Variants in CHD1 observed in about 807,000 individuals in gnomAD.
CHD1 encodes the protein ATP-dependent chromatin remodeler CHD1.
CHD1 carries 36 observed loss-of-function variants against 224.2 expected under a neutral mutation model. The ratio of observed to expected loss-of-function variants is 0.16; its 90% CI spans 0.12 to 0.21. CHD1 has a LOEUF of 0.21. CHD1 is among the 10% of genes least tolerant of loss of function. The pLI is 1.00. For synonymous variants in CHD1, 668 were observed against 658.3 expected (o/e 1.01, Z -0.23); for missense variants, 1,378 against 1,994.8 (o/e 0.69, Z 5.89).
chr5:98,908,248 T>C (rs923764865), intron 2 of CHD1, among the ~76,000 whole-genome samples: 6 of 152,182 alleles, frequency 3.9e-5, no homozygotes, highest in African/African-American at 1.4e-4. Flanking sequence ...ATTCCTTCTC[T>C]TTTCTTTTTA....
chr5:98,912,847 T>C (rs893060793), intron 2 of CHD1, among the ~76,000 whole-genome samples: 5 of 152,198 alleles, frequency 3.3e-5, no homozygotes, highest in Admixed American at 6.5e-5. Flanking sequence ...TTATATAACA[T>C]ATACATTTAT....
intron 2 of CHD1, among the ~76,000 whole-genome samples, chr5:98,907,833 T>C (rs1023693740): frequency 6.6e-6 from 1 of 152,040 alleles, no homozygotes; most frequent in African/African-American, 2.4e-5. Context: ...GGAACAGCAA[T>C]TGAAATGAGT....
chr5:98,901,154 A>G, intron 6 of CHD1, 32 bp downstream of exon 6: 2 of 1,588,176 alleles, frequency 1.3e-6, no homozygotes, highest in African/African-American at 2.7e-5. Context: ...TACTTTCCAC[A>G]ATCAATTTTC....
chr5:98,899,750 G>T, intron 7 of CHD1, 45 bp from the exon 8 acceptor site: 1 of 1,369,314 alleles, frequency 7.3e-7, no homozygotes, highest in Non-Finnish European at 1.0e-6. Context: ...TAATTCTGTT[G>T]TAGGATTATA....
intron 21 of CHD1, 21 bp downstream of exon 21, chr5:98,881,252 CTTTTTT>C (rs11295695): frequency 3.2e-3 from 2,141 of 670,852 alleles, no homozygotes; most frequent in Non-Finnish European, 3.4e-3. Context: ...TGAGGCAGGC[CTTTTTT>C]TTTTTTTTTT....
intron 33 of CHD1, among the ~76,000 whole-genome samples, chr5:98,859,355 C>T (rs1001877329): frequency 6.6e-6 from 1 of 152,162 alleles, no homozygotes; most frequent in Non-Finnish European, 1.5e-5. Flanking sequence ...TGGTATAACA[C>T]TATTAATTGA....
chr5:98,866,190 GC>G (rs1219469981), intron 31 of CHD1, among the ~76,000 whole-genome samples: 16 of 131,562 alleles, frequency 1.2e-4, no homozygotes, highest in African/African-American at 5.3e-4. Context: ...CTGTGAACCT[GC>G]AGAGGAGATA....
At chr5:98,878,377 C>T (rs1057355662) in intron 23 of CHD1, among the ~76,000 whole-genome samples, 3 of 152,230 alleles carry the variant, frequency 2.0e-5, no homozygotes, top group Non-Finnish European at 4.4e-5. Context: ...CTCTACCCTT[C>T]GGGGAATGGT....
intron 33 of CHD1, 76 bp downstream of exon 33, chr5:98,859,896 C>T: frequency 1.4e-6 from 1 of 724,512 alleles, no homozygotes; most frequent in Middle Eastern, 3.7e-4. Flanking sequence ...ATTTATTAAT[C>T]AAACTGCTCT....
Position 98,873,735 on chromosome 5 carries a change from T to A in CHD1, c.3441-12A>T. On this transcript the variant is annotated splice_polypyrimidine_tract_variant and intron_variant, in intron 25 of 35. Transcript: ENST00000614616. ...CAATTGCATCTAATCTGTAACAAAA[T>A]AATCCAATTTTCAGGTAAATATGTT... 1 of 1,592,240 alleles carries A rather than the reference T, an allele frequency of 6.3e-7. No homozygotes were observed. The highest frequency in any genetic ancestry group is 8.5e-7 in the Non-Finnish European group (1 of 1,172,884).
At chr5:98,884,410 G>A (rs1254813379) in intron 18 of CHD1, among the ~76,000 whole-genome samples, 5 of 151,986 alleles carry the variant, frequency 3.3e-5, no homozygotes, top group African/African-American at 1.2e-4. Flanking sequence ...ACTCAGGAAT[G>A]GAAAACCAAA....
intron 2 of CHD1, among the ~76,000 whole-genome samples, chr5:98,923,833 A>C (rs1753269226): frequency 6.6e-6 from 1 of 152,244 alleles, no homozygotes; most frequent in African/African-American, 2.4e-5. Context: ...ATATACCAGC[A>C]CATGATCTGT....
chr5:98,902,950 A>G lies in CHD1; in HGVS notation c.387T>C (p.Ser129=), dbSNP rs1751816863. The change falls in exon 5 of 36, where the codon AGT becomes AGC. Residue 129 remains serine (S), a synonymous_variant. Transcript: ENST00000614616. ...NSGSEEDSSS[S]EDSDDSSSEV... The stretch of plus-strand genomic sequence containing the variant: ...CACTTGATGAGTCATCGGAATCTTC[A>G]CTGCTAGAGGAATCCTGTAGAAAAG... The G allele has an allele frequency of 6.3e-7, 1 of 1,598,798 alleles. No homozygotes were observed. Among genetic ancestry groups the G allele is most frequent in the Non-Finnish European group, 8.6e-7 (1 of 1,168,268 alleles).
intron 5 of CHD1, among the ~76,000 whole-genome samples, chr5:98,902,016 C>G (rs1751750208): frequency 6.6e-6 from 1 of 152,012 alleles, no homozygotes; most frequent in South Asian, 2.1e-4. Context: ...ATGAAGGCTA[C>G]ATAAACAAGC....
At chr5:98,893,833 T>C (rs187175158) in intron 13 of CHD1, among the ~76,000 whole-genome samples, 19 of 152,276 alleles carry the variant, frequency 1.2e-4, no homozygotes, top group Admixed American at 3.9e-4. Context: ...GCCAAAGTTT[T>C]TATTAGCTTA....
At chr5:98,912,919 C>A (rs1220362122) in intron 2 of CHD1, among the ~76,000 whole-genome samples, 3 of 152,034 alleles carry the variant, frequency 2.0e-5, no homozygotes, top group Admixed American at 6.6e-5. Context: ...CCTACTTTTT[C>A]TTTCCTTTAT....
At chr5:98,862,462 C>A (rs1748553694) in intron 32 of CHD1, among the ~76,000 whole-genome samples, 1 of 152,158 alleles carries the variant, frequency 6.6e-6, no homozygotes, top group African/African-American at 2.4e-5. Flanking sequence ...CTCTCTTCTT[C>A]CAAAGGTTTC....
rs191709686 is a variant in CHD1, at chr5:98,875,203, T to C, written c.3399-90A>G. 2.3e-5 allele frequency: 17 copies of C among 745,674 alleles called. No homozygotes were observed. The Admixed American group carries it at 3.3e-4, about 15-fold the overall frequency. The allele number at this position is 745,674 out of a possible 1,614,324, so 46.2% of individuals were successfully genotyped here. A position where few individuals can be genotyped will look rare whatever the true frequency, so the allele number is the denominator to read the frequency against. ...GATATTTACAGATATAAGAAAATAC[T>C]TGTTAGTATAAAAATTCAAGGCACT... On this transcript the variant is annotated intron_variant, in intron 24 of 35. Transcript: ENST00000614616.
rs1277463350 is a variant in CHD1 at position 98,855,612 on chromosome 5, T to G, written c.*768A>C. On this transcript the variant is annotated 3_prime_UTR_variant, in exon 36 of 36. Transcript: ENST00000614616. ...ATTAAGTGGCCCCTTTCCCCATTTTTACATTCTAAACAATGATTCCATCAA... is the reference window on the plus strand; with the variant it reads ...ATTAAGTGGCCCCTTTCCCCATTTTGACATTCTAAACAATGATTCCATCAA... The G allele has an allele frequency of 6.6e-6, 1 of 151,274 alleles. No homozygotes were observed. Among genetic ancestry groups the G allele is most frequent in the Admixed American group, 6.6e-5 (1 of 15,148 alleles). The allele number at this position is 151,274 out of a possible 1,614,324, so 9.4% of individuals were successfully genotyped here. A position where few individuals can be genotyped will look rare whatever the true frequency, so the allele number is the denominator to read the frequency against.
Sources: allele counts gnomAD v4.1 joint callset (sites outside exome capture counted in the v4.1 genomes callset), GRCh38; gene constraint gnomAD v4.1.1; transcripts MANE v1.5; gene names NCBI Gene and HGNC (gene_info 2026-07-23, HGNC 2026-07-21).